KANK1: variants seen among roughly 807,000 people sequenced by gnomAD.
KANK1 encodes KN motif and ankyrin repeat domain-containing protein 1.
Under a neutral mutation model 106.2 loss-of-function variants are expected in KANK1, and 109 were observed. The ratio of observed to expected loss-of-function variants is 1.03; its 90% confidence interval spans 0.88 to 1.20. The LOEUF (loss-of-function observed/expected upper bound fraction) is 1.20, where lower values mean the gene tolerates loss of function less well. KANK1 is among the 50% of genes most tolerant of loss of function. KANK1 has a pLI of 0.00. For synonymous variants in KANK1, 873 were observed against 652.2 expected (o/e 1.34, Z -5.16); for missense variants, 2,399 against 1,710.7 (o/e 1.40, Z -7.10).
intron 1 of KANK1, among the ~76,000 whole-genome samples, chr9:555,771 A>G (rs151001079): frequency 5.3e-5 from 8 of 152,214 alleles, no homozygotes; most frequent in Non-Finnish European, 8.8e-5. Context: ...CCTAGTACAT[A>G]CGTGTTTTTA....
intron 1 of KANK1, among the ~76,000 whole-genome samples, chr9:670,154 G>C (rs777360028): frequency 6.6e-6 from 1 of 152,098 alleles, no homozygotes; most frequent in Non-Finnish European, 1.5e-5. Flanking sequence ...AGATCCCTGA[G>C]TTTCTGTGAA....
intron 2 of KANK1, among the ~76,000 whole-genome samples, chr9:702,698 G>A (rs1407954497): frequency 6.6e-6 from 1 of 152,088 alleles, no homozygotes; most frequent in Non-Finnish European, 1.5e-5. Context: ...ACGCACAATT[G>A]TCAAGACGAT....
intron 2 of KANK1, among the ~76,000 whole-genome samples, chr9:472,750 G>A (rs1261467781): frequency 6.6e-6 from 1 of 152,138 alleles, no homozygotes; most frequent in East Asian, 1.9e-4. Flanking sequence ...AAATTATTCC[G>A]AATTTTAAGG....
chr9:633,223 G>A (rs767290315), intron 1 of KANK1, among the ~76,000 whole-genome samples: 32 of 152,046 alleles, frequency 2.1e-4, no homozygotes, highest in East Asian at 5.8e-4. Flanking sequence ...TTTGAGAGCC[G>A]AGGCGGGCAG....
At chr9:563,693 C>T (rs978376516) in intron 1 of KANK1, among the ~76,000 whole-genome samples, 6 of 152,090 alleles carry the variant, frequency 3.9e-5, no homozygotes, top group East Asian at 1.9e-4. Context: ...TGTAGTTATG[C>T]GTGCTTTCCT....
At position 470,704 on chromosome 9, in the gene KANK1, C is replaced by T. The variant is rs528511801; in HGVS notation, c.-442+22C>T. The T allele has an allele frequency of 2.6e-5, 4 of 152,362 alleles. No individual in the cohort carries two copies. In the East Asian group the frequency reaches 7.7e-4, roughly 29 times the overall value. The allele number at this position is 152,362 out of a possible 1,614,324, so 9.4% of individuals were successfully genotyped here. On this transcript the variant is annotated intron_variant, in intron 2 of 15. Transcript: ENST00000382303. Reference sequence around the variant, plus strand: ...TGAGGTTTGAAAGAGGCCCCACCCTCCATTACACCTGTGCTCCACCGTGGC... The same window carrying T: ...TGAGGTTTGAAAGAGGCCCCACCCTTCATTACACCTGTGCTCCACCGTGGC...
At chr9:606,504 T>C (rs112104650) in intron 1 of KANK1, among the ~76,000 whole-genome samples, 2,139 of 147,786 alleles carry the variant, frequency 0.014, 303 homozygotes, top group African/African-American at 0.054. Flanking sequence ...TGCAGTGAGC[T>C]GAGATCCCGC....
At chr9:605,267 C>T (rs946326628) in intron 1 of KANK1, among the ~76,000 whole-genome samples, 1 of 144,920 alleles carries the variant, frequency 6.9e-6, no homozygotes, top group Admixed American at 7.0e-5. Flanking sequence ...AACCACTGCA[C>T]TCCAGCCTGG....
chr9:657,046 CT>C (rs970923219), intron 1 of KANK1, among the ~76,000 whole-genome samples: 2 of 152,152 alleles, frequency 1.3e-5, no homozygotes, highest in African/African-American at 2.4e-5. Flanking sequence ...CTGTTTCCCC[CT>C]GTGCCAGCCG....
chr9:713,064 T>G lies in KANK1; in HGVS notation c.2298T>G (p.Ile766Met), dbSNP rs780904644. 3.7e-6 allele frequency: 6 copies of G among 1,614,034 alleles called. No homozygotes were observed. The highest frequency in any genetic ancestry group is 5.1e-6 in the Non-Finnish European group (6 of 1,179,962). The change falls in exon 3 of 12, where the codon ATT (isoleucine) becomes ATG (methionine). Residue 766 changes from isoleucine to methionine, a missense_variant. By Grantham distance (10) the Ile-to-Met change is conservative. Coordinates refer to ENST00000382297, the MANE Select transcript of KANK1 (RefSeq NM_015158.5). ...AGTCAGGTGTGGGGCAGATAAATAT[T>G]AACGACAACTATCTGGTTGGTCTCA... The part of the protein sequence containing the change: ...TKESGVGQIN[I>M]NDNYLVGLKM...
intron 2 of KANK1, among the ~76,000 whole-genome samples, chr9:682,187 G>T (rs941271178): frequency 5.3e-5 from 8 of 151,948 alleles, no homozygotes; most frequent in Non-Finnish European, 1.0e-4. Flanking sequence ...GGCTGAGGCA[G>T]GAGAATTGCT....
chr9:717,758 A>G (rs918601665), intron 3 of KANK1, among the ~76,000 whole-genome samples: 15 of 152,262 alleles, frequency 9.9e-5, no homozygotes, highest in African/African-American at 3.6e-4. Context: ...TCTTTTTTTA[A>G]TTACTATTTT....
intron 1 of KANK1, chr9:540,593 T>TTAATTCTTC (rs2060543768): frequency 1.3e-5 from 2 of 152,318 alleles, no homozygotes; most frequent in South Asian, 4.1e-4. Context: ...AGGGTTGGTG[T>TTAATTCTTC]TAATTCTTCT....
At chr9:532,881 A>T (rs1263582243) in intron 1 of KANK1, among the ~76,000 whole-genome samples, 3 of 152,114 alleles carry the variant, frequency 2.0e-5, no homozygotes, top group African/African-American at 4.8e-5. Flanking sequence ...AAAGCTGGCC[A>T]TTGGGGTATA....
intron 1 of KANK1, among the ~76,000 whole-genome samples, chr9:668,262 T>C (rs568384812): frequency 3.7e-4 from 57 of 152,296 alleles, no homozygotes; most frequent in African/African-American, 1.3e-3. Context: ...TTTGATACAA[T>C]GGTTTCTTTG....
chr9:723,510 A>G (rs1374720145), intron 3 of KANK1, among the ~76,000 whole-genome samples: 2 of 152,138 alleles, frequency 1.3e-5, no homozygotes, highest in African/African-American at 4.8e-5. Flanking sequence ...CCTGTGTCCT[A>G]GCTACTCCAA....
At chr9:524,974 C>G in intron 1 of KANK1, among the ~76,000 whole-genome samples, 1 of 134,068 alleles carries the variant, frequency 7.5e-6, no homozygotes, top group East Asian at 2.1e-4. Flanking sequence ...ATCCCAAACT[C>G]TTGCTGCCTT....
intron 11 of KANK1, 148 bp from the exon 12 acceptor site, chr9:745,025 A>G: frequency 6.6e-7 from 1 of 1,511,540 alleles, no homozygotes; most frequent in Non-Finnish European, 8.8e-7. Context: ...AGCTGTGGAC[A>G]CCTGTTCCCT....
chr9:684,019 G>A (rs530682502), intron 2 of KANK1, among the ~76,000 whole-genome samples: 15 of 152,136 alleles, frequency 9.9e-5, no homozygotes, highest in Non-Finnish European at 1.8e-4. Context: ...GACACCCTGG[G>A]TTTTGAAGTC....
Sources: gnomAD v4.1 joint callset for allele counts (sites outside exome capture counted in the v4.1 genomes callset) on GRCh38, gnomAD v4.1.1 for gene constraint, MANE v1.5 for transcripts, NCBI Gene and HGNC (gene_info 2026-07-23, HGNC 2026-07-21) for gene names.